Variants in FRMD5 observed in about 807,000 individuals in gnomAD.
The protein encoded by FRMD5 is FERM domain containing 5.
A neutral mutation model predicts 69.0 loss-of-function variants in FRMD5; 20 were observed. The observed-to-expected ratio is 0.29, with a 90% CI of 0.20 to 0.42. The LOEUF is 0.42. FRMD5 is among the 10% of genes least tolerant of loss of function. FRMD5 has a pLI of 1.00. For synonymous variants in FRMD5, 271 were observed against 260.1 expected, an observed-to-expected ratio of 1.04 and a Z score of -0.40; for missense variants, 595 against 708.6, an observed-to-expected ratio of 0.84 and a Z score of 1.82.
intron 1 of FRMD5, among the ~76,000 whole-genome samples, chr15:43,939,348 T>C (rs2089821955): frequency 6.6e-6 from 1 of 152,124 alleles, no homozygotes; most frequent in Non-Finnish European, 1.5e-5. Flanking sequence ...TTATTAATCT[T>C]GTTCTTCCTT....
At chr15:43,978,687 G>C (rs1414508378) in intron 1 of FRMD5, among the ~76,000 whole-genome samples, 1 of 152,068 alleles carries the variant, frequency 6.6e-6, no homozygotes, top group African/African-American at 2.4e-5. Flanking sequence ...AAGTAGCTGG[G>C]ATTACAGGTA....
In FRMD5 at chr15:43,941,639, C is replaced by G. The variant is rs116357920; in HGVS notation, c.103-17330G>C. Among the ~76,000 whole-genome samples the G allele has an allele frequency of 5.0e-3, 759 of 152,266 alleles. 9 individuals carry two copies. Among genetic ancestry groups the G allele is most frequent in the African/African-American group, 0.017 (712 of 41,540 alleles). ...TGGGCACTTAAAAAATAAATCTTGA[C>G]AGCATAAAAGCTGCAAAAATAAAAG... is the stretch of plus-strand genomic sequence containing the variant. On this transcript the variant is annotated intron_variant, in intron 1 of 13. Transcript: ENST00000417257.
At chr15:43,972,069 T>C (rs1032881340) in intron 1 of FRMD5, among the ~76,000 whole-genome samples, 37 of 142,366 alleles carry the variant, frequency 2.6e-4, no homozygotes, top group African/African-American at 9.9e-4. Context: ...TATATACTTA[T>C]ATATAAATAT....
chr15:44,125,177 C>T (rs115313847), intron 1 of FRMD5, among the ~76,000 whole-genome samples: 4,170 of 152,064 alleles, frequency 0.027, 157 homozygotes, highest in African/African-American at 0.085. Flanking sequence ...TGGTTCATGC[C>T]GATAATCCCA....
chr15:44,146,114 C>A (rs889029293), intron 1 of FRMD5, among the ~76,000 whole-genome samples: 1 of 152,090 alleles, frequency 6.6e-6, no homozygotes, highest in Non-Finnish European at 1.5e-5. Context: ...AGGTATTAAG[C>A]CCCGCGTGCA....
chr15:43,872,965 CT>C lies in FRMD5; in HGVS notation c.*919del. 1 of 536,902 alleles carries C rather than the reference CT, an allele frequency of 1.9e-6. No individual in the cohort carries two copies. The highest frequency in any genetic ancestry group is 3.0e-5 in the South Asian group (1 of 33,858). The allele number at this position is 536,902 out of a possible 1,614,324, so 33.3% of individuals were successfully genotyped here. A position where few individuals can be genotyped will look rare whatever the true frequency, so the allele number is the denominator to read the frequency against. On this transcript the variant is annotated 3_prime_UTR_variant, in exon 14 of 14. Transcript: ENST00000417257. ...CAAATCTCAACAGTCTCTCAGGTAA[CT>C]TAACTCTGCTTTCTCTTAACTACAC...
chr15:44,194,834 G>A (rs969445713), intron 1 of FRMD5, 119 bp downstream of exon 1: 10 of 891,666 alleles, frequency 1.1e-5, no homozygotes, highest in Admixed American at 2.0e-5. Flanking sequence ...AACCAGGAAC[G>A]GACAAAGCAC....
At chr15:44,004,788 A>G (rs948735508) in intron 1 of FRMD5, among the ~76,000 whole-genome samples, 1 of 152,224 alleles carries the variant, frequency 6.6e-6, no homozygotes, top group Non-Finnish European at 1.5e-5. Flanking sequence ...TTTAAATCAA[A>G]AGCTAAAAAT....
intron 1 of FRMD5, among the ~76,000 whole-genome samples, chr15:44,068,626 G>C (rs983330439): frequency 9.9e-5 from 15 of 152,144 alleles, no homozygotes; most frequent in Non-Finnish European, 1.5e-5. Flanking sequence ...GACTGCTAAT[G>C]GGTACGAGAT....
intron 1 of FRMD5, among the ~76,000 whole-genome samples, chr15:44,159,639 T>C (rs2077581619): frequency 6.6e-6 from 1 of 152,122 alleles, no homozygotes; most frequent in Non-Finnish European, 1.5e-5. Flanking sequence ...ACCTAGAGAA[T>C]GAAAATAGGA....
chr15:43,937,545 G>A (rs955528266), intron 1 of FRMD5, among the ~76,000 whole-genome samples: 1 of 151,810 alleles, frequency 6.6e-6, no homozygotes, highest in Non-Finnish European at 1.5e-5. Flanking sequence ...GGCTGAGGCA[G>A]GAGAATCGCT....
chr15:43,873,193 C>A lies in FRMD5; in HGVS notation c.*692G>T. On this transcript the variant is annotated 3_prime_UTR_variant, in exon 14 of 14. Coordinates refer to ENST00000417257, the MANE Select transcript of FRMD5 (RefSeq NM_032892.5). ...TACCCCACCCCTGATGCTGCTGTTG[C>A]TGTAGCGGTGGTCCCTTCAGATGCC... The A allele has an allele frequency of 1.3e-6, 2 of 1,550,536 alleles. No homozygotes were observed. The highest frequency in any genetic ancestry group is 1.7e-6 in the Non-Finnish European group (2 of 1,146,982).
At chr15:43,890,515 C>T (rs2088769173) in intron 8 of FRMD5, among the ~76,000 whole-genome samples, 1 of 152,148 alleles carries the variant, frequency 6.6e-6, no homozygotes, top group African/African-American at 2.4e-5. Flanking sequence ...GGATCTGGGC[C>T]CTCTAAAGAA....
intron 1 of FRMD5, among the ~76,000 whole-genome samples, chr15:44,030,254 GA>G (rs1341896897): frequency 1.3e-5 from 2 of 151,862 alleles, no homozygotes; most frequent in Non-Finnish European, 2.9e-5. Flanking sequence ...GGAAGGAGGG[GA>G]AATTGGTGCT....
At chr15:43,937,637 A>G (rs1489842522) in intron 1 of FRMD5, among the ~76,000 whole-genome samples, 2 of 143,954 alleles carry the variant, frequency 1.4e-5, no homozygotes, top group East Asian at 2.1e-4. Flanking sequence ...AGAGTGAGAC[A>G]CTGTCTCAAA....
At chr15:43,967,212 T>TAC (rs1053869738) in intron 1 of FRMD5, among the ~76,000 whole-genome samples, 4 of 147,146 alleles carry the variant, frequency 2.7e-5, no homozygotes, top group Non-Finnish European at 4.4e-5. Context: ...CATATATATA[T>TAC]ACACATAAAT....
intron 1 of FRMD5, among the ~76,000 whole-genome samples, chr15:44,161,254 T>G (rs2077612244): frequency 6.6e-6 from 1 of 152,190 alleles, no homozygotes; most frequent in African/African-American, 2.4e-5. Context: ...AAAGTTCAAC[T>G]GCTGCTTCCT....
At chr15:44,162,728 G>A (rs557748854) in intron 1 of FRMD5, among the ~76,000 whole-genome samples, 3 of 151,982 alleles carry the variant, frequency 2.0e-5, no homozygotes, top group South Asian at 2.1e-4. Flanking sequence ...TTAGCCAGGC[G>A]TGGTGGCGCA....
At chr15:44,182,344 T>C (rs1466267480) in intron 1 of FRMD5, among the ~76,000 whole-genome samples, 1 of 117,326 alleles carries the variant, frequency 8.5e-6, no homozygotes, top group Non-Finnish European at 1.8e-5. Flanking sequence ...TTTTTTTTTT[T>C]TCTGAGACGG....
Sources: allele counts gnomAD v4.1 joint callset (sites outside exome capture counted in the v4.1 genomes callset), GRCh38; gene constraint gnomAD v4.1.1; transcripts MANE v1.5; gene names NCBI Gene and HGNC (gene_info 2026-07-23, HGNC 2026-07-21).